Variants in ANO2 observed in about 807,000 individuals in gnomAD.
ANO2 encodes anoctamin-2.
In ANO2, 101 loss-of-function variants were observed where a neutral mutation model predicts 124.2. The observed-to-expected ratio is 0.81, with a 90% CI of 0.69 to 0.96. ANO2 has a LOEUF of 0.96. Among genes scored for constraint, ANO2 ranks in the 40% least tolerant of loss-of-function variants. The pLI is 0.00. For missense variants in ANO2, 1,293 were observed against 1,274.5 expected (o/e 1.01, Z -0.22); for synonymous variants, 486 against 482.5 (o/e 1.01, Z -0.09).
intron 14 of ANO2, among the ~76,000 whole-genome samples, chr12:5,696,470 A>T (rs1009828145): frequency 6.6e-6 from 1 of 152,228 alleles, no homozygotes; most frequent in Non-Finnish European, 1.5e-5. Context: ...CACTAAAAAA[A>T]AGCCTGAAAT....
At chr12:5,761,080 T>A (rs1182823044) in intron 10 of ANO2, among the ~76,000 whole-genome samples, 1 of 143,234 alleles carries the variant, frequency 7.0e-6, no homozygotes, top group East Asian at 2.0e-4. Flanking sequence ...AAAAAAAAAT[T>A]CCGTAGACTG....
At position 5,668,078 on chromosome 12, in the gene ANO2, A is replaced by G. The variant is rs140373241; in HGVS notation, c.1546-20277T>C. On this transcript the variant is annotated intron_variant, in intron 14 of 24. Transcript: ENST00000682330. The stretch of plus-strand genomic sequence containing the variant: ...CTTCGGGTATATACTCAGTAATGTG[A>G]TTGCTGGGTCAAATGGTATTTCTGG... 6.3e-3 allele frequency among the ~76,000 whole-genome samples: 963 copies of G among 152,292 alleles called. 13 individuals are homozygous for G. Among genetic ancestry groups the G allele is most frequent in the African/African-American group, 0.021 (891 of 41,538 alleles).
chr12:5,563,103 T>G lies in ANO2; in HGVS notation c.*196A>C. Reference sequence around the variant, plus strand: ...AAAAGAAACTTAAGCTTGAAGTTTCTGAGATGTAGCATCATTTCTCTTCCT... The same window carrying G: ...AAAAGAAACTTAAGCTTGAAGTTTCGGAGATGTAGCATCATTTCTCTTCCT... On this transcript the variant is annotated 3_prime_UTR_variant, in exon 25 of 25. Coordinates refer to ENST00000682330, the MANE Select transcript of ANO2 (RefSeq NM_001364791.2). 1 of 788,974 alleles carries G rather than the reference T, an allele frequency of 1.3e-6. No individual in the cohort carries two copies. The highest frequency in any genetic ancestry group is 1.9e-6 in the Non-Finnish European group (1 of 513,798). 48.9% of individuals were successfully genotyped at this position (788,974 alleles called of 1,614,324 possible).
intron 3 of ANO2, among the ~76,000 whole-genome samples, chr12:5,891,778 T>C (rs1024141067): frequency 4.6e-5 from 7 of 152,284 alleles, no homozygotes; most frequent in African/African-American, 1.7e-4. Flanking sequence ...CCTACAGAAT[T>C]CTGGTCAGAA....
chr12:5,610,136 A>G lies in ANO2; in HGVS notation c.2087+2520T>C, dbSNP rs1199476695. Among the ~76,000 whole-genome samples the G allele has an allele frequency of 1.6e-4, 21 of 132,082 alleles. No homozygotes were observed. The Admixed American group carries it at 1.7e-3, about 10-fold the overall frequency. 86.7% of individuals were successfully genotyped at this position (132,082 alleles called of 152,430 possible). A position where few individuals can be genotyped will look rare whatever the true frequency, so the allele number is the denominator to read the frequency against. On this transcript the variant is annotated intron_variant, in intron 19 of 24. Coordinates refer to ENST00000682330, the MANE Select transcript of ANO2 (RefSeq NM_001364791.2). The stretch of plus-strand genomic sequence containing the variant: ...TTTTAAGTATATATTACACATACTT[A>G]TATAAATATATTTATATATACAAAT...
chr12:5,832,544 CT>C lies in ANO2; in HGVS notation c.692del (p.Lys231SerfsTer2). The C allele has an allele frequency of 6.2e-7, 1 of 1,613,952 alleles. No individual in the cohort carries two copies. The highest frequency in any genetic ancestry group is 8.5e-7 in the Non-Finnish European group (1 of 1,179,882). Reference protein sequence around the residue: ...IAKKFSAALQKLSSHLQPRVP... With the variant: ...IAKKFSAALQXLSSHLQPRVP... ...CTCGGGGCTGCAGGTGCGAGCTCAG[CT>C]TCTGCAGAGCCGCGCTGAACTTCTT... On this transcript the variant is annotated frameshift_variant, in exon 5 of 25. Transcript: ENST00000682330. LOFTEE classifies it high-confidence loss of function.
intron 4 of ANO2, among the ~76,000 whole-genome samples, chr12:5,851,680 A>G (rs1426138674): frequency 6.8e-6 from 1 of 147,566 alleles, no homozygotes; most frequent in African/African-American, 2.5e-5. Context: ...GCAAGACTCC[A>G]TCTCAAAAAA....
chr12:5,894,543 T>C (rs942213897), intron 3 of ANO2, among the ~76,000 whole-genome samples: 9 of 152,212 alleles, frequency 5.9e-5, no homozygotes, highest in Admixed American at 5.9e-4. Flanking sequence ...GCTTTTGGTG[T>C]TTTAGTCATG....
rs890028419 is a variant in ANO2, at chr12:5,900,355, A to G, written c.534+20685T>C. Among the ~76,000 whole-genome samples, 4 of 152,138 alleles carry G rather than the reference A, an allele frequency of 2.6e-5. No homozygotes were observed. Among genetic ancestry groups the G allele is most frequent in the African/African-American group, 9.7e-5 (4 of 41,408 alleles). On this transcript the variant is annotated intron_variant, in intron 3 of 24. Transcript: ENST00000682330. This position sits in a 1 kb window ranked among gnomAD's most constrained non-coding sequence, Gnocchi z 4.2. ...AGGCATCCGTTTCTGAGCCCCTCCT[A>G]GTCACGAGAGATTTCACTTTCCATG...
At chr12:5,832,819 G>T (rs1954198196) in intron 4 of ANO2, among the ~76,000 whole-genome samples, 1 of 152,188 alleles carries the variant, frequency 6.6e-6, no homozygotes, top group Non-Finnish European at 1.5e-5. Context: ...AGCTCATGGA[G>T]GTGAGCAGTG....
At chr12:5,613,181 G>C (rs1411084390) in intron 17 of ANO2, among the ~76,000 whole-genome samples, 4 of 152,104 alleles carry the variant, frequency 2.6e-5, no homozygotes, top group Non-Finnish European at 5.9e-5. Flanking sequence ...TCAGACGATA[G>C]GAATAAGCTG....
Position 5,850,556 on chromosome 12 carries a change from G to T in ANO2, c.633+3487C>A, listed in dbSNP as rs1042831881. ...TCTTTCTGTTTTATCTGCAGCCTTGGGGGGCAATCACATGCTTTGCCTCTC... is the reference window on the plus strand; with the variant it reads ...TCTTTCTGTTTTATCTGCAGCCTTGTGGGGCAATCACATGCTTTGCCTCTC... On this transcript the variant is annotated intron_variant, in intron 4 of 24. Coordinates refer to ENST00000682330, the MANE Select transcript of ANO2 (RefSeq NM_001364791.2). 2.6e-5 allele frequency among the ~76,000 whole-genome samples: 4 copies of T among 152,150 alleles called. 1 individual carries two copies. In the East Asian group the frequency reaches 7.7e-4, roughly 29 times the overall value.
At chr12:5,936,778 C>T (rs1942670656) in intron 1 of ANO2, among the ~76,000 whole-genome samples, 2 of 152,222 alleles carry the variant, frequency 1.3e-5, no homozygotes, top group African/African-American at 2.4e-5. Context: ...ACATTTACAT[C>T]TACGATTCAC....
intron 3 of ANO2, among the ~76,000 whole-genome samples, chr12:5,868,029 T>G (rs1359814854): frequency 6.6e-6 from 1 of 152,138 alleles, no homozygotes; most frequent in Non-Finnish European, 1.5e-5. Flanking sequence ...CAATAATAAT[T>G]TAATTGTATA....
chr12:5,641,035 T>A (rs1036490804), intron 15 of ANO2, among the ~76,000 whole-genome samples: 1 of 152,214 alleles, frequency 6.6e-6, no homozygotes, highest in East Asian at 1.9e-4. Context: ...CATGGAATAC[T>A]ATGCAGCCAT....
At chr12:5,872,302 G>A (rs902770035) in intron 3 of ANO2, among the ~76,000 whole-genome samples, 1 of 152,018 alleles carries the variant, frequency 6.6e-6, no homozygotes, top group East Asian at 1.9e-4. Flanking sequence ...ATCCTTTCCA[G>A]GTAAAGAAGT....
At chr12:5,872,581 C>A (rs1234899580) in intron 3 of ANO2, among the ~76,000 whole-genome samples, 1 of 152,154 alleles carries the variant, frequency 6.6e-6, no homozygotes, top group Non-Finnish European at 1.5e-5. Flanking sequence ...TTTGCACAAA[C>A]CACTCAGTTC....
intron 15 of ANO2, among the ~76,000 whole-genome samples, chr12:5,644,254 A>C (rs943997358): frequency 6.6e-5 from 10 of 152,236 alleles, no homozygotes; most frequent in South Asian, 2.1e-4. Flanking sequence ...CAGCTGTCCC[A>C]GAAGCACTTA....
rs140979068 is a variant in ANO2 at position 5,775,280 on chromosome 12, C to CAG, written c.1055+24225_1055+24226dup. 1.5e-3 allele frequency among the ~76,000 whole-genome samples: 225 copies of CAG among 150,060 alleles called. 2 individuals carry two copies. Among genetic ancestry groups the CAG allele is most frequent in the African/African-American group, 5.0e-3 (203 of 40,984 alleles). On this transcript the variant is annotated intron_variant, in intron 10 of 24. Transcript: ENST00000682330. ...ATAGAAATAATTACGTGCACACACACAGAGAGAGAGAGAGAGAGAAAAATT... is the reference window on the plus strand; with the variant it reads ...ATAGAAATAATTACGTGCACACACACAGAGAGAGAGAGAGAGAGAGAAAAATT...
Sources: gnomAD v4.1 joint callset for allele counts (sites outside exome capture counted in the v4.1 genomes callset) on GRCh38, gnomAD v4.1.1 for gene constraint, Gnocchi (gnomAD v3.1) non-coding constraint, MANE v1.5 for transcripts, NCBI Gene and HGNC (gene_info 2026-07-23, HGNC 2026-07-21) for gene names.